Variants in TBK1 observed in about 807,000 individuals in gnomAD.
TBK1 encodes TANK binding kinase 1.
In TBK1, 37 loss-of-function variants were observed where a neutral mutation model predicts 99.9. The ratio of observed to expected loss-of-function variants is 0.37; its 90% CI spans 0.28 to 0.49. TBK1 has a LOEUF of 0.49. Ranked by LOEUF, TBK1 falls within the 20% of genes least tolerant of loss-of-function variation. TBK1 has a pLI of 0.98. For synonymous variants in TBK1, 258 were observed against 279.8 expected (o/e 0.92, Z 0.78); for missense variants, 644 against 872.5 (o/e 0.74, Z 3.30).
chr12:64,489,751 T>G (rs2040851631), intron 12 of TBK1, among the ~76,000 whole-genome samples: 1 of 150,394 alleles, frequency 6.6e-6, no homozygotes, highest in Admixed American at 6.6e-5. Context: ...TTTTTTTTTG[T>G]ATTTTTAGTA....
Position 64,497,020 on chromosome 12 carries a change from C to G in TBK1, c.1832C>G (p.Ala611Gly), listed in dbSNP as rs1290889463. Residue 611 changes from alanine (A) to glycine (G), a missense_variant, in exon 17 of 21, where the codon GCA becomes GGA. Coordinates refer to ENST00000331710, the MANE Select transcript of TBK1 (RefSeq NM_013254.4). Reference sequence around the variant, plus strand: ...GATGAATGTGTTAAAAAGTATGAGGCATTTTTGAATAAGTCAGAAGAATGG... The same window carrying G: ...GATGAATGTGTTAAAAAGTATGAGGGATTTTTGAATAAGTCAGAAGAATGG... ...FTDECVKKYE[A>G]FLNKSEEWIR... 6.2e-7 allele frequency: 1 copy of G among 1,612,968 alleles called. No individual in the cohort carries two copies. Among genetic ancestry groups the G allele is most frequent in the African/African-American group, 1.3e-5 (1 of 74,988 alleles).
chr12:64,489,991 CTA>C lies in TBK1; in HGVS notation c.1443-48_1443-47del, dbSNP rs762217615. ...TTATTTATAAAACATCTTTTTAAAA[CTA>C]TGTATTGATTATACTCATTTAATTT... On this transcript the variant is annotated intron_variant, in intron 12 of 20. Coordinates refer to ENST00000331710, the MANE Select transcript of TBK1 (RefSeq NM_013254.4). 3 of 1,075,980 alleles carry C rather than the reference CTA, an allele frequency of 2.8e-6. No homozygotes were observed. The South Asian group carries it at 4.7e-5, about 17-fold the overall frequency. The allele number at this position is 1,075,980 out of a possible 1,614,324, so 66.7% of individuals were successfully genotyped here. A position where few individuals can be genotyped will look rare whatever the true frequency, so the allele number is the denominator to read the frequency against.
chr12:64,485,317 G>C (rs953600860), intron 9 of TBK1, 138 bp from the exon 10 acceptor site: 3 of 467,464 alleles, frequency 6.4e-6, no homozygotes, highest in Non-Finnish European at 1.1e-5. Context: ...TGTTTGAAGT[G>C]GTGTTTTTTT....
chr12:64,455,753 C>G, intron 1 of TBK1, 87 bp from the exon 2 acceptor site: 2 of 662,102 alleles, frequency 3.0e-6, no homozygotes, highest in Non-Finnish European at 5.3e-6. Context: ...AATGGGTGAT[C>G]TTACTTGAGA....
chr12:64,484,960 A>G (rs1489439922), intron 9 of TBK1, among the ~76,000 whole-genome samples: 1 of 152,202 alleles, frequency 6.6e-6, no homozygotes, highest in Non-Finnish European at 1.5e-5. Context: ...ATCGTTTGTC[A>G]TACGTTTCAC....
At chr12:64,481,560 A>G (rs564159097) in intron 7 of TBK1, among the ~76,000 whole-genome samples, 4 of 152,176 alleles carry the variant, frequency 2.6e-5, no homozygotes, top group East Asian at 1.9e-4. Flanking sequence ...TGAGACTGCA[A>G]TGCATAAAGC....
intron 13 of TBK1, 47 bp downstream of exon 13, chr12:64,490,166 C>T: frequency 7.4e-7 from 1 of 1,351,882 alleles, no homozygotes; most frequent in South Asian, 1.2e-5. Flanking sequence ...TAACCTATTC[C>T]TTTGCTGGCA....
chr12:64,462,511 A>G (rs918252072), intron 3 of TBK1, among the ~76,000 whole-genome samples: 1 of 152,194 alleles, frequency 6.6e-6, no homozygotes, highest in African/African-American at 2.4e-5. Context: ...ATATTAATTC[A>G]TTATCTCCAG....
intron 5 of TBK1, among the ~76,000 whole-genome samples, chr12:64,467,348 G>A (rs2040617201): frequency 6.6e-6 from 1 of 152,082 alleles, no homozygotes; most frequent in Non-Finnish European, 1.5e-5. Context: ...AAAAGGGTCT[G>A]TTTTTTGATG....
In TBK1 at chr12:64,501,632, A is replaced by G. The variant is rs1229150612; in HGVS notation, c.*251A>G. The G allele has an allele frequency of 4.9e-6, 2 of 411,440 alleles. No homozygotes were observed. The highest frequency in any genetic ancestry group is 8.6e-6 in the Non-Finnish European group (2 of 231,612). The allele number at this position is 411,440 out of a possible 1,614,324, so 25.5% of individuals were successfully genotyped here. ...CCTCAGTGATCACGAGAAGAAAGCC[A>G]TGACCGACCAATATGTTGACATACT... On this transcript the variant is annotated 3_prime_UTR_variant, in exon 21 of 21. Coordinates refer to ENST00000331710, the MANE Select transcript of TBK1 (RefSeq NM_013254.4).
chr12:64,472,621 A>G (rs2040673688), intron 5 of TBK1, among the ~76,000 whole-genome samples: 2 of 149,800 alleles, frequency 1.3e-5, no homozygotes, highest in Non-Finnish European at 1.5e-5. Flanking sequence ...CTCCTAAACA[A>G]TTTCTTAGAA....
chr12:64,474,168 T>G, intron 5 of TBK1, 62 bp from the exon 6 acceptor site: 2 of 1,459,738 alleles, frequency 1.4e-6, no homozygotes, highest in Non-Finnish European at 1.9e-6. Flanking sequence ...TGAGTATCCA[T>G]TTGTTTGTAT....
At position 64,484,302 on chromosome 12, in the gene TBK1, G is replaced by C. The variant is rs1339336641; in HGVS notation, c.993-1G>C. On this transcript the variant is annotated splice_acceptor_variant, in intron 8 of 20. Transcript: ENST00000331710. LOFTEE classifies it high-confidence loss of function. ...TGTCCTTTTGAATTTTTCTCACACA[G>C]TGCTACTATATTTCATGAACTGGTA... 1 of 1,601,978 alleles carries C rather than the reference G, an allele frequency of 6.2e-7. No homozygotes were observed.
chr12:64,495,993 C>T (rs1592376199), intron 15 of TBK1: 3 of 447,264 alleles, frequency 6.7e-6, no homozygotes, highest in South Asian at 3.3e-5. Context: ...GTCATGAACA[C>T]CAGAACCTCT....
chr12:64,498,191 A>G, intron 20 of TBK1, 152 bp downstream of exon 20: 1 of 607,942 alleles, frequency 1.6e-6, no homozygotes. Flanking sequence ...TGTATCTGTG[A>G]TGCCTTTTAA....
At chr12:64,461,335 G>A (rs1459107067) in intron 3 of TBK1, among the ~76,000 whole-genome samples, 2 of 152,102 alleles carry the variant, frequency 1.3e-5, no homozygotes, top group Middle Eastern at 3.4e-3. Flanking sequence ...AATTAAGAAT[G>A]TCATTAGGAA....
chr12:64,491,953 C>T (rs1159913487), intron 13 of TBK1, among the ~76,000 whole-genome samples: 2 of 152,148 alleles, frequency 1.3e-5, no homozygotes, highest in African/African-American at 2.4e-5. Context: ...CAGGTATATA[C>T]ACACTTTAAA....
At chr12:64,466,750 A>ATT (rs1239940359) in intron 4 of TBK1, 151 bp from the exon 5 acceptor site, 2 of 311,380 alleles carry the variant, frequency 6.4e-6, no homozygotes, top group African/African-American at 4.4e-5. Flanking sequence ...ATATATATAT[A>ATT]TTTATTATCT....
intron 5 of TBK1, among the ~76,000 whole-genome samples, chr12:64,471,115 C>A (rs1230984049): frequency 9.9e-5 from 15 of 152,100 alleles, no homozygotes; most frequent in Non-Finnish European, 1.8e-4. Context: ...ATGTTAAATT[C>A]TCTCTCTTTT....
Sources: gnomAD v4.1 joint callset for allele counts (sites outside exome capture counted in the v4.1 genomes callset) on GRCh38, gnomAD v4.1.1 for gene constraint, MANE v1.5 for transcripts, NCBI Gene and HGNC (gene_info 2026-07-23, HGNC 2026-07-21) for gene names.